BCORL1: variants seen among roughly 807,000 people sequenced by gnomAD.
BCORL1 encodes BCL6 corepressor like 1.
A neutral mutation model predicts 87.6 loss-of-function variants in BCORL1; 7 were observed. The observed-to-expected ratio is 0.08, with a 90% CI of 0.05 to 0.15. BCORL1 has a LOEUF of 0.15. Among genes scored for constraint, BCORL1 ranks in the 10% least tolerant of loss-of-function variants. BCORL1 has a pLI of 1.00. For missense variants in BCORL1, 1,215 were observed against 1,499.7 expected, an observed-to-expected ratio of 0.81 and a Z score of 3.13; for synonymous variants, 591 against 634.4, an observed-to-expected ratio of 0.93 and a Z score of 1.03.
At chrX:129,991,858 G>A (rs1278928136) in intron 1 of BCORL1, among the ~76,000 whole-genome samples, 1 of 99,289 alleles carries the variant, frequency 1.0e-5, no homozygotes, top group African/African-American at 3.7e-5. Flanking sequence ...TAGAGACGGG[G>A]TTTCACCATG....
At position 130,056,332 on chromosome X, in the gene BCORL1, C is replaced by T. The variant is rs945965259; in HGVS notation, c.*196C>T. On this transcript the variant is annotated 3_prime_UTR_variant, in exon 14 of 14. Coordinates refer to ENST00000540052, the MANE Select transcript of BCORL1 (RefSeq NM_001379451.1). ...TTACAATTAGTTCTCATCTCCCTGTCGTCGTCATTGTTATCGTGGTTGCTG... is the reference window on the plus strand; with the variant it reads ...TTACAATTAGTTCTCATCTCCCTGTTGTCGTCATTGTTATCGTGGTTGCTG... 61 of 396,853 alleles carry T rather than the reference C, an allele frequency of 1.5e-4. No homozygotes were observed. The highest frequency in any genetic ancestry group is 2.2e-4 in the Non-Finnish European group (53 of 244,518). The allele number at this position is 396,853 out of a possible 1,213,427, so 32.7% of individuals were successfully genotyped here.
At chrX:130,049,388 G>T (rs906403326) in intron 11 of BCORL1, among the ~76,000 whole-genome samples, 1 of 111,804 alleles carries the variant, frequency 8.9e-6, no homozygotes, top group African/African-American at 3.3e-5. Context: ...ACAGAGTCTT[G>T]CTCTGTCACC....
chrX:130,031,380 A>G (rs1179529252), intron 8 of BCORL1, among the ~76,000 whole-genome samples: 1 of 112,465 alleles, frequency 8.9e-6, no homozygotes, highest in Non-Finnish European at 1.9e-5. Flanking sequence ...CCGAGCCCTC[A>G]TCTTCTGTTC....
intron 7 of BCORL1, 28 bp downstream of exon 7, chrX:130,025,407 G>A (rs778529178): frequency 4.7e-5 from 53 of 1,120,098 alleles, no homozygotes; most frequent in Middle Eastern, 3.6e-4. Flanking sequence ...CTCTGCTGTC[G>A]CCGCGGCCCG....
intron 11 of BCORL1, 80 bp from the exon 12 acceptor site, chrX:130,050,637 C>T: frequency 2.4e-6 from 2 of 836,235 alleles, no homozygotes; most frequent in East Asian, 6.3e-5. Flanking sequence ...ATTCCCTTAG[C>T]CCCGTATGCA....
chrX:130,053,074 A>G (rs761599030), intron 13 of BCORL1, among the ~76,000 whole-genome samples: 195 of 112,063 alleles, frequency 1.7e-3, no homozygotes, highest in African/African-American at 6.2e-3. Context: ...TGTGAGGCGG[A>G]GGTTGCAGTG....
chrX:129,990,477 C>A (rs1260812248), intron 1 of BCORL1, among the ~76,000 whole-genome samples: 54 of 111,377 alleles, frequency 4.8e-4, no homozygotes, highest in Non-Finnish European at 3.8e-5. Context: ...GTGATCCGCC[C>A]GCCTTGGCCT....
intron 1 of BCORL1, among the ~76,000 whole-genome samples, chrX:129,994,139 A>G (rs1927381557): frequency 8.9e-6 from 1 of 112,515 alleles, no homozygotes; most frequent in South Asian, 3.6e-4. Flanking sequence ...TTTAGTAGGG[A>G]CTAGTAGTTT....
At chrX:130,022,778 C>T (rs2092951637) in intron 5 of BCORL1, 119 bp from the exon 6 acceptor site, 1 of 615,620 alleles carries the variant, frequency 1.6e-6, no homozygotes, top group Non-Finnish European at 2.7e-6. Flanking sequence ...AGATTAACCA[C>T]AGGGTAAACA....
intron 11 of BCORL1, among the ~76,000 whole-genome samples, chrX:130,039,886 G>A (rs773039935): frequency 1.5e-4 from 17 of 112,867 alleles, no homozygotes; most frequent in African/African-American, 5.1e-4. Flanking sequence ...AGGGCCACAA[G>A]CCAACATGCA....
chrX:130,020,169 G>A lies in BCORL1; in HGVS notation c.3442-816G>A, dbSNP rs771923270. ...CAAGCACAAATGTGCTAACTTGCGG[G>A]TTGGCCTGGTAAGTGGCAGTCCCTG... On this transcript the variant is annotated intron_variant, in intron 4 of 13. Coordinates refer to ENST00000540052, the MANE Select transcript of BCORL1 (RefSeq NM_001379451.1). 2.7e-5 allele frequency among the ~76,000 whole-genome samples: 3 copies of A among 112,570 alleles called. No homozygotes were observed. The South Asian group carries it at 1.1e-3, about 41-fold the overall frequency.
intron 1 of BCORL1, among the ~76,000 whole-genome samples, chrX:129,983,891 C>G (rs1453087324): frequency 9.1e-6 from 1 of 109,708 alleles, no homozygotes; most frequent in African/African-American, 3.3e-5. Context: ...AGGGAGGCTC[C>G]GGTTACGGGG....
At chrX:130,026,684 C>T (rs765360997) in intron 7 of BCORL1, among the ~76,000 whole-genome samples, 1 of 112,740 alleles carries the variant, frequency 8.9e-6, no homozygotes, top group African/African-American at 3.2e-5. Context: ...GAGATCTCCA[C>T]AGCATTCTTG....
At chrX:130,054,682 C>CGG (rs1343873428) in intron 13 of BCORL1, among the ~76,000 whole-genome samples, 1 of 110,406 alleles carries the variant, frequency 9.1e-6, no homozygotes, top group Non-Finnish European at 1.9e-5. Context: ...GAGGCTGAGG[C>CGG]GGGTGGATCA....
At position 130,029,934 on chromosome X, in the gene BCORL1, C is replaced by T. The variant is rs776274266; in HGVS notation, c.4305+1073C>T. Among the ~76,000 whole-genome samples, 61 of 111,649 alleles carry T rather than the reference C, an allele frequency of 5.5e-4. No homozygotes were observed. In the Middle Eastern group the frequency reaches 0.018, roughly 34 times the overall value. On this transcript the variant is annotated intron_variant, in intron 8 of 13. Transcript: ENST00000540052. Reference sequence around the variant, plus strand: ...CCTCCCAAAGTGCTGGAATTACAGGCGGAAGCCATCACGCCTAGCGCTTTG... The same window carrying T: ...CCTCCCAAAGTGCTGGAATTACAGGTGGAAGCCATCACGCCTAGCGCTTTG...
chrX:130,005,157 A>G (rs1928385454), intron 1 of BCORL1, 31 bp from the exon 2 acceptor site: 1 of 895,391 alleles, frequency 1.1e-6, no homozygotes, highest in African/African-American at 2.0e-5. Flanking sequence ...CCCTGTTACG[A>G]GTTTTGATTT....
intron 11 of BCORL1, among the ~76,000 whole-genome samples, chrX:130,046,573 G>C (rs1931768814): frequency 9.3e-6 from 1 of 107,882 alleles, no homozygotes; most frequent in African/African-American, 3.4e-5. Context: ...TTGAGACGGA[G>C]TCTCGCTCTG....
chrX:130,030,423 A>G (rs1162935837), intron 8 of BCORL1, among the ~76,000 whole-genome samples: 3 of 111,354 alleles, frequency 2.7e-5, no homozygotes, highest in Non-Finnish European at 5.7e-5. Flanking sequence ...CACCTTTATT[A>G]TCCTCATTTT....
At chrX:129,991,138 T>C (rs1277940054) in intron 1 of BCORL1, among the ~76,000 whole-genome samples, 1 of 110,252 alleles carries the variant, frequency 9.1e-6, no homozygotes, top group Non-Finnish European at 1.9e-5. Context: ...TTTTTTGAGA[T>C]AGAGTTTCGT....
Sources: gnomAD v4.1 joint callset for allele counts (sites outside exome capture counted in the v4.1 genomes callset) on GRCh38, gnomAD v4.1.1 for gene constraint, MANE v1.5 for transcripts, NCBI Gene and HGNC (gene_info 2026-07-23, HGNC 2026-07-21) for gene names.